Variants in RBFOX1 observed in about 807,000 individuals in gnomAD.
RBFOX1 encodes RNA binding fox-1 homolog 1.
In RBFOX1, 8 loss-of-function variants were observed where a neutral mutation model predicts 57.7. That is an observed-to-expected ratio of 0.14 (90% confidence interval 0.08 to 0.25). The LOEUF (loss-of-function observed/expected upper bound fraction) is 0.25. Among genes scored for constraint, RBFOX1 ranks in the 10% least tolerant of loss-of-function variants. The pLI is 1.00. For missense variants in RBFOX1, 611 were observed against 548.5 expected (o/e 1.11, Z -1.14); for synonymous variants, 326 against 222.4 (o/e 1.47, Z -4.15).
intron 4 of RBFOX1, among the ~76,000 whole-genome samples, chr16:7,362,264 GTGT>G (rs1298033752): frequency 1.3e-5 from 2 of 148,482 alleles, no homozygotes; most frequent in African/African-American, 5.0e-5. Flanking sequence ...GTTAGTATGT[GTGT>G]TTTGTGTGTA....
intron 3 of RBFOX1, among the ~76,000 whole-genome samples, chr16:6,909,639 CAAAG>C (rs1255763122): frequency 5.9e-5 from 9 of 152,332 alleles, no homozygotes; most frequent in Non-Finnish European, 1.0e-4. Flanking sequence ...CAAAATCAGA[CAAAG>C]AAATTATCAA....
At chr16:6,672,191 C>G (rs922079312) in intron 3 of RBFOX1, among the ~76,000 whole-genome samples, 3 of 152,264 alleles carry the variant, frequency 2.0e-5, no homozygotes, top group East Asian at 1.9e-4. Flanking sequence ...TATTTATGAG[C>G]TTTTGGAAAT....
At chr16:5,354,196 C>T (rs1049708728) in intron 1 of RBFOX1, among the ~76,000 whole-genome samples, 5 of 152,186 alleles carry the variant, frequency 3.3e-5, no homozygotes, top group Non-Finnish European at 7.3e-5. Flanking sequence ...TTCCTGTCGG[C>T]CTTGGCTGAT....
At chr16:6,236,565 G>A (rs891822912) in intron 1 of RBFOX1, among the ~76,000 whole-genome samples, 1 of 151,988 alleles carries the variant, frequency 6.6e-6, no homozygotes, top group Non-Finnish European at 1.5e-5. Context: ...CACCCAAGTA[G>A]CAGGGATTAC....
At chr16:5,925,717 A>G (rs907831041) in intron 4 of RBFOX1, among the ~76,000 whole-genome samples, 4 of 152,150 alleles carry the variant, frequency 2.6e-5, no homozygotes, top group Non-Finnish European at 5.9e-5. Context: ...GAATTACCTA[A>G]AACTGTACAT....
At chr16:5,733,001 A>G (rs1247034763) in intron 3 of RBFOX1, among the ~76,000 whole-genome samples, 1 of 152,158 alleles carries the variant, frequency 6.6e-6, no homozygotes, top group African/African-American at 2.4e-5. Context: ...GATGGTGACT[A>G]TATGATCTTA....
intron 3 of RBFOX1, among the ~76,000 whole-genome samples, chr16:5,718,632 C>T (rs957383940): frequency 6.6e-6 from 1 of 152,148 alleles, no homozygotes; most frequent in African/African-American, 2.4e-5. Context: ...CCTGGCTGGA[C>T]ATGGTAGCTC....
intron 4 of RBFOX1, among the ~76,000 whole-genome samples, chr16:7,341,424 G>A (rs534133296): frequency 2.0e-5 from 3 of 152,280 alleles, no homozygotes; most frequent in Non-Finnish European, 4.4e-5. Context: ...AGCTCTGGAG[G>A]TATTGGGATG....
intron 2 of RBFOX1, among the ~76,000 whole-genome samples, chr16:6,497,649 C>G (rs1598279126): frequency 6.6e-6 from 1 of 151,950 alleles, no homozygotes; most frequent in Non-Finnish European, 1.5e-5. Context: ...CTCTGCCTCC[C>G]AGGTTCAAGT....
intron 4 of RBFOX1, among the ~76,000 whole-genome samples, chr16:7,514,896 G>A (rs535765866): frequency 1.3e-5 from 2 of 152,314 alleles, no homozygotes; most frequent in South Asian, 2.1e-4. Context: ...GGTTATATAT[G>A]TTCCTGGTGA....
At chr16:7,385,863 T>G (rs77410616) in intron 4 of RBFOX1, among the ~76,000 whole-genome samples, 12,328 of 152,110 alleles carry the variant, frequency 0.081, 540 homozygotes, top group East Asian at 0.19. Context: ...AAGCAGTTTT[T>G]CTGCTTCAGC....
chr16:6,958,259 G>A (rs2082272751), intron 3 of RBFOX1, among the ~76,000 whole-genome samples: 1 of 152,174 alleles, frequency 6.6e-6, no homozygotes, highest in African/African-American at 2.4e-5. Context: ...CCGTTAGCAG[G>A]CTGGGCAATG....
intron 4 of RBFOX1, among the ~76,000 whole-genome samples, chr16:7,154,501 G>T (rs1055792052): frequency 1.3e-5 from 2 of 152,152 alleles, no homozygotes; most frequent in African/African-American, 4.8e-5. Context: ...CTCAGTGACA[G>T]GACCTTCCTA....
intron 2 of RBFOX1, among the ~76,000 whole-genome samples, chr16:6,397,193 G>C (rs943034367): frequency 2.0e-5 from 3 of 152,102 alleles, no homozygotes; most frequent in Non-Finnish European, 4.4e-5. Context: ...GAAACTTCAA[G>C]CAAGCAAAAT....
chr16:7,424,935 A>T (rs2098595479), intron 4 of RBFOX1, among the ~76,000 whole-genome samples: 1 of 152,184 alleles, frequency 6.6e-6, no homozygotes, highest in Non-Finnish European at 1.5e-5. Context: ...TCCAAAGGTG[A>T]TAAGATACTT....
At chr16:6,217,925 A>G (rs755177876) in intron 1 of RBFOX1, among the ~76,000 whole-genome samples, 1 of 152,200 alleles carries the variant, frequency 6.6e-6, no homozygotes, top group Non-Finnish European at 1.5e-5. Flanking sequence ...CTGAGGCATG[A>G]GAATCACTTA....
chr16:7,123,889 C>G (rs1209578060), intron 4 of RBFOX1, among the ~76,000 whole-genome samples: 1 of 152,024 alleles, frequency 6.6e-6, no homozygotes. Context: ...AAGAACATGC[C>G]ACAGTCTGCA....
At chr16:7,183,742 G>T (rs1239906918) in intron 4 of RBFOX1, among the ~76,000 whole-genome samples, 1 of 152,192 alleles carries the variant, frequency 6.6e-6, no homozygotes, top group Non-Finnish European at 1.5e-5. Context: ...CTTACTGTCA[G>T]AACAAAATTG....
intron 11 of RBFOX1, among the ~76,000 whole-genome samples, chr16:7,647,258 C>T (rs536480904): frequency 3.3e-5 from 5 of 152,268 alleles, no homozygotes; most frequent in Non-Finnish European, 5.9e-5. Flanking sequence ...CAACAAGATG[C>T]TCAATTGGTA....
Sources: gnomAD v4.1 joint callset for allele counts (sites outside exome capture counted in the v4.1 genomes callset) on GRCh38, gnomAD v4.1.1 for gene constraint, MANE v1.5 for transcripts, NCBI Gene and HGNC (gene_info 2026-07-23, HGNC 2026-07-21) for gene names.